The following CDC14A variants were observed in gnomAD, a reference collection of about 807,000 sequenced individuals.
The protein encoded by CDC14A is dual specificity protein phosphatase CDC14A.
In CDC14A, 53 loss-of-function variants were observed where a neutral mutation model predicts 74.4. The observed-to-expected ratio is 0.71, with a 90% CI of 0.57 to 0.89. The LOEUF (loss-of-function observed/expected upper bound fraction) is 0.89, where lower values mean the gene tolerates loss of function less well. Ranked by LOEUF, CDC14A falls within the 40% of genes least tolerant of loss-of-function variation. CDC14A has a pLI of 0.00. For synonymous variants in CDC14A, 247 were observed against 258.4 expected, an observed-to-expected ratio of 0.96 and a Z score of 0.43; for missense variants, 646 against 713.7, an observed-to-expected ratio of 0.91 and a Z score of 1.08.
rs1649460775 is a variant in CDC14A, at chr1:100,508,772, A to G, written c.1756-9479A>G. Among the ~76,000 whole-genome samples, 2 of 152,184 alleles carry G rather than the reference A, an allele frequency of 1.3e-5. No homozygotes were observed. Among genetic ancestry groups the G allele is most frequent in the Admixed American group, 1.3e-4 (2 of 15,280 alleles). On this transcript the variant is annotated intron_variant, in intron 15 of 15. Transcript: ENST00000336454. This position sits in a 1 kb window ranked among gnomAD's most constrained non-coding sequence, Gnocchi z 4.4. Reference sequence around the variant, plus strand: ...CCAGGGGCTTTCGACCTATGTACCCACATGAATGGAACACCCAGCCACTTC... The same window carrying G: ...CCAGGGGCTTTCGACCTATGTACCCGCATGAATGGAACACCCAGCCACTTC...
intron 2 of CDC14A, among the ~76,000 whole-genome samples, chr1:100,372,418 C>G (rs1385847931): frequency 6.6e-6 from 1 of 152,170 alleles, no homozygotes; most frequent in African/African-American, 2.4e-5. Context: ...CTCTCAAACC[C>G]TGGGGCTACT....
rs549657661 is a variant in CDC14A at position 100,476,191 on chromosome 1, GCCTATAATC to G, written c.978-8098_978-8090del. ...CTCTGGGCTGGGCACGGTGGCTCATGCCTATAATCCCAGCATTTTAGGAGGCCGAGGCGG... is the reference window on the plus strand; with the variant it reads ...CTCTGGGCTGGGCACGGTGGCTCATGCCAGCATTTTAGGAGGCCGAGGCGG... On this transcript the variant is annotated intron_variant, in intron 10 of 15. Transcript: ENST00000336454. Among the ~76,000 whole-genome samples the G allele has an allele frequency of 9.2e-5, 14 of 152,274 alleles. No individual in the cohort carries two copies. In the South Asian group the frequency reaches 2.7e-3, roughly 29 times the overall value.
At chr1:100,416,528 TA>T (rs1661549068) in intron 4 of CDC14A, among the ~76,000 whole-genome samples, 1 of 152,178 alleles carries the variant, frequency 6.6e-6, no homozygotes, top group Non-Finnish European at 1.5e-5. Flanking sequence ...CTGTACTCTA[TA>T]ATCAGAGGGT....
intron 7 of CDC14A, among the ~76,000 whole-genome samples, chr1:100,449,849 T>C (rs1665950766): frequency 1.3e-5 from 2 of 152,198 alleles, no homozygotes; most frequent in African/African-American, 4.8e-5. Context: ...TTTCAAGATA[T>C]TTTATATGAT....
chr1:100,496,550 A>G (rs1647858311), intron 13 of CDC14A, among the ~76,000 whole-genome samples: 1 of 152,166 alleles, frequency 6.6e-6, no homozygotes, highest in Admixed American at 6.5e-5. Context: ...TGGTACCACG[A>G]TCTGGTGTGG....
intron 4 of CDC14A, among the ~76,000 whole-genome samples, chr1:100,411,011 A>G (rs1337322099): frequency 2.7e-5 from 4 of 150,312 alleles, no homozygotes; most frequent in Middle Eastern, 3.4e-3. Context: ...GTAGAGCTGT[A>G]TAGTGATTTT....
intron 3 of CDC14A, among the ~76,000 whole-genome samples, chr1:100,378,604 T>G (rs1425814179): frequency 1.3e-5 from 2 of 152,190 alleles, no homozygotes; most frequent in South Asian, 2.1e-4. Context: ...CCTTATGAAT[T>G]TACAAATTTT....
intron 6 of CDC14A, among the ~76,000 whole-genome samples, 153 bp downstream of exon 6, chr1:100,440,151 A>G (rs1664766772): frequency 6.6e-6 from 1 of 152,224 alleles, no homozygotes; most frequent in Non-Finnish European, 1.5e-5. Flanking sequence ...TGATTTGTAA[A>G]ATACAAACAC....
intron 4 of CDC14A, among the ~76,000 whole-genome samples, chr1:100,418,918 C>G (rs1283140765): frequency 6.6e-6 from 1 of 152,186 alleles, no homozygotes; most frequent in Non-Finnish European, 1.5e-5. Flanking sequence ...GGAGTGGTAG[C>G]TCACGCCTGT....
intron 4 of CDC14A, among the ~76,000 whole-genome samples, chr1:100,405,356 G>A (rs1659806081): frequency 2.6e-5 from 4 of 152,158 alleles, no homozygotes; most frequent in Admixed American, 2.0e-4. Flanking sequence ...AGCTTTTTGA[G>A]TAAAGGGATA....
chr1:100,454,130 G>A (rs954168097), intron 7 of CDC14A, among the ~76,000 whole-genome samples: 2 of 152,104 alleles, frequency 1.3e-5, no homozygotes, highest in Non-Finnish European at 2.9e-5. Context: ...TTAAAGTAAT[G>A]GCTCCAGTTT....
intron 10 of CDC14A, among the ~76,000 whole-genome samples, chr1:100,476,495 C>T (rs1668914100): frequency 6.6e-6 from 1 of 152,046 alleles, no homozygotes; most frequent in African/African-American, 2.4e-5. Context: ...CTTCTTCAGC[C>T]CTAAGACTAG....
intron 3 of CDC14A, among the ~76,000 whole-genome samples, chr1:100,385,753 G>A (rs1180110708): frequency 2.0e-5 from 3 of 152,148 alleles, no homozygotes; most frequent in African/African-American, 7.2e-5. Context: ...GACGTTATGT[G>A]TCTGATTAAA....
chr1:100,401,082 A>C (rs1052302961), intron 4 of CDC14A, among the ~76,000 whole-genome samples: 5 of 152,176 alleles, frequency 3.3e-5, no homozygotes, highest in Non-Finnish European at 5.9e-5. Context: ...AATAACATAT[A>C]CTTTCTGTGT....
intron 13 of CDC14A, among the ~76,000 whole-genome samples, chr1:100,497,151 T>C (rs1647968690): frequency 6.6e-6 from 1 of 152,190 alleles, no homozygotes; most frequent in African/African-American, 2.4e-5. Context: ...CATATATTGC[T>C]TGGGAACTCA....
chr1:100,496,859 C>A (rs2101430522), intron 13 of CDC14A, among the ~76,000 whole-genome samples: 1 of 152,262 alleles, frequency 6.6e-6, no homozygotes, highest in African/African-American at 2.4e-5. Flanking sequence ...AAACAGAGTT[C>A]AGCTATATTA....
At chr1:100,451,115 A>T (rs993158526) in intron 7 of CDC14A, among the ~76,000 whole-genome samples, 1 of 152,182 alleles carries the variant, frequency 6.6e-6, no homozygotes, top group Non-Finnish European at 1.5e-5. Flanking sequence ...ATTTCTGGTT[A>T]TACACACTTT....
chr1:100,455,540 T>C lies in CDC14A; in HGVS notation c.607+48T>C, dbSNP rs1177805103. On this transcript the variant is annotated intron_variant, in intron 8 of 15. Coordinates refer to ENST00000336454, the MANE Select transcript of CDC14A (RefSeq NM_003672.4). ...ATCCAAACATTTATTTTGATTTATC[T>C]TTCTAAGTTTCTTAACTTCCTCAGA... 3 of 1,014,576 alleles carry C rather than the reference T, an allele frequency of 3.0e-6. No individual in the cohort carries two copies. In the African/African-American group the frequency reaches 4.9e-5, roughly 17 times the overall value. 62.8% of individuals were successfully genotyped at this position (1,014,576 alleles called of 1,614,324 possible).
chr1:100,482,383 T>C (rs1237405648), intron 10 of CDC14A, among the ~76,000 whole-genome samples: 2 of 152,160 alleles, frequency 1.3e-5, no homozygotes. Context: ...TTCATAAACA[T>C]GCTGTTTTCT....
Sources: allele counts gnomAD v4.1 joint callset (sites outside exome capture counted in the v4.1 genomes callset), GRCh38; gene constraint gnomAD v4.1.1; non-coding constraint Gnocchi (gnomAD v3.1); transcripts MANE v1.5; gene names NCBI Gene and HGNC (gene_info 2026-07-23, HGNC 2026-07-21).